The following GRK4 variants were observed in gnomAD, a reference collection of about 807,000 sequenced individuals.
GRK4 encodes G protein-coupled receptor kinase 4, also known as G protein-coupled receptor kinase 2-like.
A neutral mutation model predicts 77.9 loss-of-function variants in GRK4; 73 were observed. That is an observed-to-expected ratio of 0.94 (90% confidence interval 0.78 to 1.14). The LOEUF is 1.14. GRK4 is among the 50% of genes most tolerant of loss of function. The probability of loss-of-function intolerance (pLI) is 0.00; values close to 1 mark genes in which losing one functional copy is unlikely to be tolerated. For missense variants in GRK4, 729 were observed against 700.2 expected, an observed-to-expected ratio of 1.04 and a Z score of -0.46; for synonymous variants, 257 against 254.4, an observed-to-expected ratio of 1.01 and a Z score of -0.10.
chr4:3,011,309 G>A (rs567484714), intron 7 of GRK4, among the ~76,000 whole-genome samples: 11 of 152,246 alleles, frequency 7.2e-5, no homozygotes, highest in African/African-American at 2.4e-4. Flanking sequence ...TGCTGGGCGC[G>A]GTGGCTCACG....
At chr4:2,988,219 A>G (rs771947280) in intron 2 of GRK4, among the ~76,000 whole-genome samples, 2 of 151,780 alleles carry the variant, frequency 1.3e-5, no homozygotes, top group Non-Finnish European at 2.9e-5. Flanking sequence ...CATCTTTCCC[A>G]ACGCTTTTGA....
At chr4:2,979,004 C>T (rs973797977) in intron 1 of GRK4, among the ~76,000 whole-genome samples, 5 of 151,748 alleles carry the variant, frequency 3.3e-5, no homozygotes, top group African/African-American at 4.8e-5. Flanking sequence ...CCAAGGCAGG[C>T]GGATCATGAG....
chr4:3,037,045 G>A (rs1740854410), intron 13 of GRK4, among the ~76,000 whole-genome samples: 1 of 21,250 alleles, frequency 4.7e-5, no homozygotes, highest in South Asian at 2.8e-3. Flanking sequence ...CTCAGGAGGG[G>A]TGTGTGTGTG....
chr4:2,979,026 G>A lies in GRK4; in HGVS notation c.53-5487G>A, dbSNP rs140577183. Among the ~76,000 whole-genome samples the A allele has an allele frequency of 5.3e-4, 80 of 151,962 alleles. No individual in the cohort carries two copies. In the East Asian group the frequency reaches 0.013, roughly 25 times the overall value. ...AGGCGGATCATGAGGTCAGGAGATC[G>A]AGACCATCCTGGTTAACGTGGTGAA... is the stretch of plus-strand genomic sequence containing the variant. On this transcript the variant is annotated intron_variant, in intron 1 of 15. Coordinates refer to ENST00000398052, the MANE Select transcript of GRK4 (RefSeq NM_182982.3).
chr4:3,040,537 A>G (rs1177220058), intron 15 of GRK4, 35 bp from the exon 16 acceptor site: 2 of 1,588,954 alleles, frequency 1.3e-6, no homozygotes, highest in African/African-American at 2.7e-5. Context: ...CCTTCGCATC[A>G]GCCGTGTGCC....
intron 12 of GRK4, 109 bp downstream of exon 12, chr4:3,029,518 G>A (rs1405837305): frequency 2.3e-6 from 2 of 867,614 alleles, no homozygotes; most frequent in Non-Finnish European, 3.6e-6. Context: ...AGCAAGTCCT[G>A]GTCACCCACC....
chr4:3,013,016 G>A (rs1428793655), intron 7 of GRK4, among the ~76,000 whole-genome samples: 3 of 151,514 alleles, frequency 2.0e-5, no homozygotes, highest in African/African-American at 4.8e-5. Context: ...ATGGTGGCGG[G>A]CACCTGTAAT....
chr4:2,996,509 C>A (rs1045352789), intron 4 of GRK4, among the ~76,000 whole-genome samples: 1 of 151,894 alleles, frequency 6.6e-6, no homozygotes, highest in African/African-American at 2.4e-5. Flanking sequence ...GAGCTGAGTT[C>A]GCGCCACTGC....
chr4:3,038,565 AC>A lies in GRK4; in HGVS notation c.1683+53del, dbSNP rs1350650225. ...GTGTGTGTATGTGAAAAAAAAAAAA[AC>A]ATACTGACTGCCAAGGTGAAAACCT... On this transcript the variant is annotated intron_variant, in intron 15 of 15. Transcript: ENST00000398052. 7.8e-6 allele frequency: 12 copies of A among 1,537,320 alleles called. No individual in the cohort carries two copies. The Admixed American group carries it at 1.2e-4, about 16-fold the overall frequency.
At chr4:2,970,656 CAAA>C (rs929303208) in intron 1 of GRK4, among the ~76,000 whole-genome samples, 2 of 120,070 alleles carry the variant, frequency 1.7e-5, no homozygotes, top group African/African-American at 3.0e-5. Context: ...GACTCCATCT[CAAA>C]AAAAAAAAAA....
intron 1 of GRK4, among the ~76,000 whole-genome samples, chr4:2,980,474 G>A (rs891569651): frequency 6.6e-6 from 1 of 151,642 alleles, no homozygotes; most frequent in African/African-American, 2.4e-5. Context: ...TTCTATACAA[G>A]TTATCCTATT....
chr4:3,022,710 A>G (rs1736427799), intron 10 of GRK4, among the ~76,000 whole-genome samples: 1 of 152,018 alleles, frequency 6.6e-6, no homozygotes, highest in Admixed American at 6.6e-5. Flanking sequence ...TTTTTAAGTC[A>G]GGGTCTTGCT....
intron 8 of GRK4, among the ~76,000 whole-genome samples, chr4:3,016,718 A>AC (rs929538789): frequency 4.0e-5 from 6 of 151,740 alleles, no homozygotes; most frequent in African/African-American, 7.3e-5. Context: ...AGCAAAACAA[A>AC]AAAAAAAATA....
chr4:3,023,257 C>G (rs1736565685), intron 10 of GRK4, among the ~76,000 whole-genome samples: 1 of 152,176 alleles, frequency 6.6e-6, no homozygotes, highest in African/African-American at 2.4e-5. Context: ...CTTGGTTCCT[C>G]TAAGGGAGAG....
chr4:3,028,390 C>A (rs1738208523), intron 11 of GRK4, among the ~76,000 whole-genome samples: 1 of 152,224 alleles, frequency 6.6e-6, no homozygotes, highest in Non-Finnish European at 1.5e-5. Flanking sequence ...AGCCAACCCC[C>A]AGGGGTGGCC....
chr4:2,966,389 G>GC (rs1244828512), intron 1 of GRK4: 2 of 151,802 alleles, frequency 1.3e-5, no homozygotes, highest in East Asian at 1.9e-4. Context: ...TCCAGCCTGG[G>GC]TGACAGAGCG....
At chr4:3,025,455 T>G (rs1024270356) in intron 10 of GRK4, among the ~76,000 whole-genome samples, 2 of 145,094 alleles carry the variant, frequency 1.4e-5, no homozygotes, top group Admixed American at 6.9e-5. Flanking sequence ...AGTGGCGTGA[T>G]CTCGGCTCAC....
chr4:3,014,943 G>A lies in GRK4; in HGVS notation c.741+1115G>A, dbSNP rs137976110. On this transcript the variant is annotated intron_variant, in intron 8 of 15. Transcript: ENST00000398052. ...CGTCTGGCTGAGGATACCTTCTCTAGCCCCCTTCTCATGTGGGCCTCCTCC... is the reference window on the plus strand; with the variant it reads ...CGTCTGGCTGAGGATACCTTCTCTAACCCCCTTCTCATGTGGGCCTCCTCC... Among the ~76,000 whole-genome samples the A allele has an allele frequency of 5.9e-5, 9 of 152,236 alleles. No homozygotes were observed. In the East Asian group the frequency reaches 1.7e-3, roughly 29 times the overall value.
chr4:3,031,273 G>T (rs1233042466), intron 12 of GRK4, among the ~76,000 whole-genome samples: 1 of 152,186 alleles, frequency 6.6e-6, no homozygotes, highest in Non-Finnish European at 1.5e-5. Flanking sequence ...CTCTTATGGA[G>T]CTTCTTTTTC....
Sources: allele counts gnomAD v4.1 joint callset (sites outside exome capture counted in the v4.1 genomes callset), GRCh38; gene constraint gnomAD v4.1.1; transcripts MANE v1.5; gene names NCBI Gene and HGNC (gene_info 2026-07-23, HGNC 2026-07-21).